Variants in GRM5 observed in about 807,000 individuals in gnomAD.
The protein encoded by GRM5 is metabotropic glutamate receptor 5.
GRM5 carries 19 observed loss-of-function variants against 83.1 expected under a neutral mutation model. The ratio of observed to expected loss-of-function variants is 0.23; its 90% CI spans 0.16 to 0.34. GRM5 has a LOEUF of 0.34. GRM5 is among the 10% of genes least tolerant of loss of function. GRM5 has a pLI of 1.00. For synonymous variants in GRM5, 675 were observed against 633.6 expected (o/e 1.07, Z -0.98); for missense variants, 1,160 against 1,588.3 (o/e 0.73, Z 4.58).
intron 2 of GRM5, among the ~76,000 whole-genome samples, chr11:88,857,772 TAAAG>T (rs1944500403): frequency 1.3e-5 from 2 of 152,000 alleles, no homozygotes; most frequent in African/African-American, 2.4e-5. Context: ...TTTATGCAAA[TAAAG>T]AAGGAAGTTA....
rs1254186768 is a variant in GRM5 at position 88,567,453 on chromosome 11, G to C, written c.2230C>G (p.Leu744Val). Residue 744 changes from leucine (L) to valine (V), a missense_variant, in exon 8 of 10, where the codon CTT (leucine) becomes GTT (valine). Leu to Val is a conservative substitution (Grantham distance 32). Around this residue, in one of 9 missense-constraint regions of GRM5, gnomAD observed 66 missense variants for 138.6 expected, o/e 0.48. Transcript: ENST00000305447. This position sits in a 1 kb window ranked among gnomAD's most constrained non-coding sequence, Gnocchi z 7.3. ...AAAATCAACAATCCATTGTATCCAA[G>C]TGGAGTGACAACTCCTAGGTTGGTG... ...NTTNLGVVTP[L>V]GYNGLLILSC... 1 of 1,613,976 alleles carries C rather than the reference G, an allele frequency of 6.2e-7. No individual in the cohort carries two copies. Among genetic ancestry groups the C allele is most frequent in the African/African-American group, 1.3e-5 (1 of 74,924 alleles).
At chr11:88,986,398 G>A (rs1939711417) in intron 2 of GRM5, among the ~76,000 whole-genome samples, 1 of 152,158 alleles carries the variant, frequency 6.6e-6, no homozygotes, top group Non-Finnish European at 1.5e-5. Flanking sequence ...TTTCCTAGTG[G>A]TGATGGAACA....
chr11:88,758,909 C>G (rs920293945), intron 3 of GRM5, among the ~76,000 whole-genome samples: 1 of 152,110 alleles, frequency 6.6e-6, no homozygotes, highest in Non-Finnish European at 1.5e-5. Context: ...AGAAACCCTA[C>G]AAGCCAGAAG....
chr11:88,886,945 C>G (rs1054687027), intron 2 of GRM5, among the ~76,000 whole-genome samples: 1 of 152,148 alleles, frequency 6.6e-6, no homozygotes, highest in Non-Finnish European at 1.5e-5. Context: ...GAGCATCTCT[C>G]TCTGCCCTTG....
At chr11:88,872,413 G>T (rs992032084) in intron 2 of GRM5, among the ~76,000 whole-genome samples, 87 of 151,442 alleles carry the variant, frequency 5.7e-4, no homozygotes, top group Non-Finnish European at 1.1e-3. Context: ...TTAAGGTGAG[G>T]CTGCAATTAT....
At chr11:88,859,200 T>G (rs1944523713) in intron 2 of GRM5, among the ~76,000 whole-genome samples, 1 of 152,024 alleles carries the variant, frequency 6.6e-6, no homozygotes. Context: ...GTAAAAAAAG[T>G]GAAGACAATA....
At chr11:88,583,252 G>C (rs771933242) in intron 7 of GRM5, among the ~76,000 whole-genome samples, 13 of 152,104 alleles carry the variant, frequency 8.5e-5, no homozygotes, top group African/African-American at 3.1e-4. Context: ...CTCATCCTCT[G>C]CTCCCTCCTT....
intron 3 of GRM5, among the ~76,000 whole-genome samples, chr11:88,720,504 G>C (rs1055473347): frequency 6.6e-6 from 1 of 151,760 alleles, no homozygotes; most frequent in African/African-American, 2.4e-5. Context: ...TCAGGATCCT[G>C]CCATTCATAC....
chr11:89,003,677 CTTA>C (rs148095335), intron 2 of GRM5, among the ~76,000 whole-genome samples: 1 of 151,894 alleles, frequency 6.6e-6, no homozygotes, highest in African/African-American at 2.4e-5. Flanking sequence ...ATTTAAACAA[CTTA>C]TTATTATTAT....
At chr11:88,684,555 A>G (rs1193247879) in intron 3 of GRM5, among the ~76,000 whole-genome samples, 1 of 152,200 alleles carries the variant, frequency 6.6e-6, no homozygotes, top group Non-Finnish European at 1.5e-5. Context: ...TGGCTTGAAG[A>G]AGGCATGGTA....
chr11:88,672,479 T>C (rs1478837174), intron 3 of GRM5, among the ~76,000 whole-genome samples: 1 of 151,952 alleles, frequency 6.6e-6, no homozygotes, highest in African/African-American at 2.4e-5. Flanking sequence ...CTATACAAAA[T>C]GAGACACGAG....
intron 2 of GRM5, among the ~76,000 whole-genome samples, chr11:89,040,990 C>T (rs1319266574): frequency 2.0e-5 from 3 of 152,206 alleles, no homozygotes; most frequent in Non-Finnish European, 2.9e-5. Flanking sequence ...GGAACATAAA[C>T]ATCTCACAGC....
At chr11:88,676,482 CT>C (rs1309694305) in intron 3 of GRM5, among the ~76,000 whole-genome samples, 1 of 151,872 alleles carries the variant, frequency 6.6e-6, no homozygotes, top group Non-Finnish European at 1.5e-5. Flanking sequence ...TATTCCAGTG[CT>C]TGGCAAATAG....
At chr11:88,973,072 T>C (rs552238164) in intron 2 of GRM5, among the ~76,000 whole-genome samples, 17 of 152,188 alleles carry the variant, frequency 1.1e-4, no homozygotes, top group African/African-American at 4.1e-4. Flanking sequence ...GATATGACAA[T>C]GAATAAAACC....
intron 3 of GRM5, among the ~76,000 whole-genome samples, chr11:88,653,751 C>T (rs61902892): frequency 0.12 from 18,256 of 151,698 alleles, 1,453 homozygotes; most frequent in Non-Finnish European, 0.18. Flanking sequence ...CATTTAATAG[C>T]CAGGTAAAGT....
chr11:88,558,639 T>A (rs1008920941), intron 8 of GRM5, among the ~76,000 whole-genome samples: 2 of 151,490 alleles, frequency 1.3e-5, no homozygotes, highest in African/African-American at 4.8e-5. Flanking sequence ...CCATCTCTTC[T>A]AAAAATCCAA....
intron 2 of GRM5, among the ~76,000 whole-genome samples, chr11:88,941,073 T>C (rs1319577061): frequency 6.6e-6 from 1 of 151,898 alleles, no homozygotes; most frequent in South Asian, 2.1e-4. Flanking sequence ...TAAACAAAGA[T>C]CTTTTATACT....
chr11:88,685,969 C>G (rs776005087), intron 3 of GRM5, among the ~76,000 whole-genome samples: 1 of 152,204 alleles, frequency 6.6e-6, no homozygotes, highest in African/African-American at 2.4e-5. Context: ...CACACAGAAT[C>G]CTGACTGGGG....
At chr11:88,636,744 G>T (rs1939135183) in intron 4 of GRM5, among the ~76,000 whole-genome samples, 3 of 152,042 alleles carry the variant, frequency 2.0e-5, no homozygotes, top group Admixed American at 1.3e-4. Context: ...TGTAAGGAAG[G>T]GATCCAGTTT....
Sources: gnomAD v4.1 joint callset for allele counts (sites outside exome capture counted in the v4.1 genomes callset) on GRCh38, gnomAD v4.1.1 for gene constraint, gnomAD v4.1.1 regional missense constraint, Gnocchi (gnomAD v3.1) non-coding constraint, MANE v1.5 for transcripts, NCBI Gene and HGNC (gene_info 2026-07-23, HGNC 2026-07-21) for gene names.